The following HPD variants were observed in gnomAD, a reference collection of about 807,000 sequenced individuals.
HPD encodes the protein 4-hydroxyphenylpyruvic acid oxidase.
Under a neutral mutation model 56.9 loss-of-function variants are expected in HPD, and 35 were observed. The ratio of observed to expected loss-of-function variants is 0.62; its 90% CI spans 0.47 to 0.82. The LOEUF is 0.82. Ranked by LOEUF, HPD falls within the 40% of genes least tolerant of loss-of-function variation. The pLI is 0.00. For missense variants in HPD, 442 were observed against 506.8 expected (o/e 0.87, Z 1.23); for synonymous variants, 186 against 200.2 (o/e 0.93, Z 0.60).
chr12:121,839,645 G>A lies in HPD; in HGVS notation c.*83C>T, dbSNP rs968062803. ...TCCGCTGGTGGGCGGGACCCAAGGG[G>A]AGCAGCCAGTAGGGAAGTTGGGCGA... On this transcript the variant is annotated 3_prime_UTR_variant, in exon 14 of 14. Coordinates refer to ENST00000289004, the MANE Select transcript of HPD (RefSeq NM_002150.3). 3 of 1,021,658 alleles carry A rather than the reference G, an allele frequency of 2.9e-6. No individual in the cohort carries two copies. In the South Asian group the frequency reaches 3.8e-5, roughly 13 times the overall value. 63.3% of individuals were successfully genotyped at this position (1,021,658 alleles called of 1,614,324 possible).
chr12:121,881,189 C>G, the HPD span, among the ~76,000 whole-genome samples: 1 of 152,168 alleles, frequency 6.6e-6, no homozygotes, highest in Non-Finnish European at 1.5e-5. Context: ...TCCCTTTTTC[C>G]ATTCTATGGG....
At chr12:121,880,425 A>C in the HPD span, among the ~76,000 whole-genome samples, 1 of 152,066 alleles carries the variant, frequency 6.6e-6, no homozygotes, top group Non-Finnish European at 1.5e-5. Flanking sequence ...TGAACTCCTG[A>C]CCTCGTGATC....
intron 9 of HPD, among the ~76,000 whole-genome samples, chr12:121,847,598 C>T (rs930420913): frequency 6.6e-5 from 10 of 152,128 alleles, no homozygotes; most frequent in South Asian, 2.1e-4. Flanking sequence ...AATGCAGTGA[C>T]GCAATCTCGG....
At chr12:121,866,989 T>G (rs1878344668), upstream of HPD, among the ~76,000 whole-genome samples, 1 of 152,132 alleles carries the variant, frequency 6.6e-6, no homozygotes, top group Admixed American at 6.6e-5. Flanking sequence ...GCTTTGCCTT[T>G]TCTAGAATGT....
In HPD at chr12:121,845,367, T is replaced by C. The variant is rs554583936; in HGVS notation, c.831+1495A>G. On this transcript the variant is annotated intron_variant, in intron 11 of 13. Transcript: ENST00000289004. ...ATCCCAGCACTTTGGGAGGCCAAGG[T>C]GGGCAGATCACAAGATCAGGAGATC... Among the ~76,000 whole-genome samples, 192 of 149,172 alleles carry C rather than the reference T, an allele frequency of 1.3e-3. 1 individual carries two copies. The highest frequency in any genetic ancestry group is 1.2e-3 in the East Asian group (6 of 5,156).
chr12:121,841,229 C>T (rs953551966), intron 12 of HPD, among the ~76,000 whole-genome samples: 4 of 149,504 alleles, frequency 2.7e-5, no homozygotes, highest in South Asian at 2.1e-4. Context: ...ATTAGCTGGG[C>T]GTGGTGGCGG....
intron 12 of HPD, among the ~76,000 whole-genome samples, chr12:121,840,807 G>A (rs1877382528): frequency 6.6e-6 from 1 of 151,868 alleles, no homozygotes; most frequent in Non-Finnish European, 1.5e-5. Flanking sequence ...AGGCATGGTG[G>A]CTCACTTTGG....
chr12:121,858,606 T>G, intron 2 of HPD, 81 bp downstream of exon 2: 1 of 1,351,204 alleles, frequency 7.4e-7, no homozygotes, highest in Non-Finnish European at 1.1e-6. Context: ...TCTTCTGCTC[T>G]CTGCTGAAAC....
intron 7 of HPD, among the ~76,000 whole-genome samples, chr12:121,852,622 C>CTTTTTTTTTTTT (rs1176954964): frequency 7.1e-5 from 5 of 70,506 alleles, no homozygotes; most frequent in Admixed American, 2.0e-4. Context: ...TCATTGGATC[C>CTTTTTTTTTTTT]TTTTTTTTTT....
chr12:121,885,758 T>C, the HPD span, among the ~76,000 whole-genome samples: 3 of 149,358 alleles, frequency 2.0e-5, no homozygotes, highest in Admixed American at 2.0e-4. Context: ...AGGTCAGGAG[T>C]TCTAGACCAG....
chr12:121,846,916 G>A lies in HPD; in HGVS notation c.777C>T (p.Asn259=), dbSNP rs201249721. ...CGATGTGCTGGACCCCAGCGCCCCC[G>A]TTATAGTCCACATATTCCTGGGGGA... The part of the protein sequence containing the change: ...KSQIQEYVDY[N]GGAGVQHIAL... The change falls in exon 11 of 14, where the codon AAC becomes AAT. Residue 259 remains asparagine (N), a synonymous_variant. Coordinates refer to ENST00000289004, the MANE Select transcript of HPD (RefSeq NM_002150.3). 1.5e-5 allele frequency: 24 copies of A among 1,614,050 alleles called. No individual in the cohort carries two copies. Among genetic ancestry groups the A allele is most frequent in the African/African-American group, 8.0e-5 (6 of 75,008 alleles).
the HPD span, among the ~76,000 whole-genome samples, chr12:121,869,152 C>T: frequency 3.3e-5 from 5 of 151,888 alleles, no homozygotes; most frequent in South Asian, 2.1e-4. Context: ...GAGTTCGAGA[C>T]CAGCCTGGCC....
At chr12:121,856,444 A>C in intron 5 of HPD, 38 bp from the exon 6 acceptor site, 1 of 1,604,944 alleles carries the variant, frequency 6.2e-7, no homozygotes, top group Non-Finnish European at 8.5e-7. Context: ...TGGAGTCTGG[A>C]GTCTAGGTCC....
rs550483937 is a variant in HPD, at chr12:121,857,430, G to T, written c.96C>A (p.Ala32=). ...VTFWVGNAKQ[A]TSFYCSKMGF... ...CCATCTTGCTGCAGTAGAATGACGTGGCCTGAATCACAGGGTTGCAGCAGG... is the reference window on the plus strand; with the variant it reads ...CCATCTTGCTGCAGTAGAATGACGTTGCCTGAATCACAGGGTTGCAGCAGG... Residue 32 remains alanine (A), a splice_region_variant and synonymous_variant, in exon 4 of 14, where the codon GCC becomes GCA. Coordinates refer to ENST00000289004, the MANE Select transcript of HPD (RefSeq NM_002150.3). The T allele has an allele frequency of 6.2e-7, 1 of 1,604,046 alleles. No homozygotes were observed. The highest frequency in any genetic ancestry group is 1.1e-5 in the South Asian group (1 of 90,920).
At chr12:121,857,036 C>A (rs1878026878) in intron 4 of HPD, 5 of 507,336 alleles carry the variant, frequency 9.9e-6, no homozygotes, top group Non-Finnish European at 1.4e-5. Flanking sequence ...TCGGTGGGAG[C>A]TGAATTATAT....
intron 6 of HPD, 86 bp from the exon 7 acceptor site, chr12:121,854,878 G>A (rs1297189590): frequency 1.7e-5 from 18 of 1,055,480 alleles, no homozygotes; most frequent in East Asian, 4.8e-5. Context: ...TGGCCTCTGC[G>A]TGGTCCTGCA....
chr12:121,857,322 A>T lies in HPD; in HGVS notation c.198+6T>A, dbSNP rs750613386. ...GTTGGGGGCTGTCCTGGGGGTGGTGACTCACCTTCCCTTGTTTGATTACAT... is the reference window on the plus strand; with the variant it reads ...GTTGGGGGCTGTCCTGGGGGTGGTGTCTCACCTTCCCTTGTTTGATTACAT... On this transcript the variant is annotated splice_donor_region_variant and intron_variant, in intron 4 of 13. Coordinates refer to ENST00000289004, the MANE Select transcript of HPD (RefSeq NM_002150.3). 3.1e-6 allele frequency: 5 copies of T among 1,593,254 alleles called. No individual in the cohort carries two copies. Among genetic ancestry groups the T allele is most frequent in the Admixed American group, 1.7e-5 (1 of 59,910 alleles).
At chr12:121,877,240 A>C in the HPD span, among the ~76,000 whole-genome samples, 1 of 152,142 alleles carries the variant, frequency 6.6e-6, no homozygotes, top group Non-Finnish European at 1.5e-5. Context: ...GAAGAAACTG[A>C]GACTCAGAGA....
intron 12 of HPD, among the ~76,000 whole-genome samples, chr12:121,840,265 CT>C (rs1877364199): frequency 6.6e-6 from 1 of 152,140 alleles, no homozygotes; most frequent in Non-Finnish European, 1.5e-5. Context: ...ATCTTGTATC[CT>C]TACAATCCAT....
Sources: allele counts gnomAD v4.1 joint callset (sites outside exome capture counted in the v4.1 genomes callset), GRCh38; gene constraint gnomAD v4.1.1; transcripts MANE v1.5; gene names NCBI Gene and HGNC (gene_info 2026-07-23, HGNC 2026-07-21).